The following ZC3H10 variants were observed in gnomAD, a reference collection of about 807,000 sequenced individuals.
ZC3H10 encodes zinc finger CCCH-type containing 10.
A neutral mutation model predicts 24.3 loss-of-function variants in ZC3H10; 12 were observed. The observed-to-expected ratio is 0.49, with a 90% confidence interval of 0.32 to 0.80. The LOEUF (loss-of-function observed/expected upper bound fraction) is 0.80. ZC3H10 is among the 30% of genes least tolerant of loss of function. The pLI is 0.04. For missense variants in ZC3H10, 360 were observed against 576.3 expected (o/e 0.62, Z 3.84); for synonymous variants, 226 against 217.0 (o/e 1.04, Z -0.36).
At position 56,120,999 on chromosome 12, in the gene ZC3H10, G is replaced by A. The variant is rs756185221; in HGVS notation, c.437G>A (p.Gly146Asp). The change falls in exon 3 of 3, where the codon GGT becomes GAT. Residue 146 changes from glycine to aspartate, a missense_variant. Transcript: ENST00000257940. Reference sequence around the variant, plus strand: ...CCTATCTGCCGTGACTTTCTCAAGGGTGACTGTCAGAGAGGAGCCAAGTGC... The same window carrying A: ...CCTATCTGCCGTGACTTTCTCAAGGATGACTGTCAGAGAGGAGCCAAGTGC... ...EVPICRDFLK[G>D]DCQRGAKCKF... is the part of the protein sequence containing the mutation. 1.2e-6 allele frequency: 2 copies of A among 1,614,030 alleles called. No individual in the cohort carries two copies. The highest frequency in any genetic ancestry group is 2.7e-5 in the African/African-American group (2 of 74,900).
rs1869997778 is a variant in ZC3H10, at chr12:56,126,489, C to T, written c.*4622C>T. The T allele has an allele frequency of 6.6e-6, 1 of 152,158 alleles. No individual in the cohort carries two copies. Among genetic ancestry groups the T allele is most frequent in the Non-Finnish European group, 1.5e-5 (1 of 68,044 alleles). 9.4% of individuals were successfully genotyped at this position (152,158 alleles called of 1,614,324 possible). On this transcript the variant is annotated 3_prime_UTR_variant, in exon 3 of 3. Transcript: ENST00000257940. ...CTTCCTGAGGATGAAGTTTTATCCC[C>T]TATATAATTTCTGATGATCTGGATG... is the stretch of plus-strand genomic sequence containing the variant.
At position 56,123,737 on chromosome 12, in the gene ZC3H10, G is replaced by A. The variant is rs1019498389; in HGVS notation, c.*1870G>A. 1.3e-5 allele frequency: 2 copies of A among 152,132 alleles called. No individual in the cohort carries two copies. The highest frequency in any genetic ancestry group is 4.8e-5 in the African/African-American group (2 of 41,416). 9.4% of individuals were successfully genotyped at this position (152,132 alleles called of 1,614,324 possible). On this transcript the variant is annotated 3_prime_UTR_variant, in exon 3 of 3. Transcript: ENST00000257940. ...CAATTCTAGACTATTAAAAGAGATG[G>A]TTTAAGAGCATTTAGAGAAGAATGT... is the stretch of plus-strand genomic sequence containing the variant.
chr12:56,126,255 C>G lies in ZC3H10; in HGVS notation c.*4388C>G, dbSNP rs1006274439. The G allele has an allele frequency of 3.9e-5, 6 of 152,166 alleles. No individual in the cohort carries two copies. The highest frequency in any genetic ancestry group is 9.7e-5 in the African/African-American group (4 of 41,410). 9.4% of individuals were successfully genotyped at this position (152,166 alleles called of 1,614,324 possible). On this transcript the variant is annotated 3_prime_UTR_variant, in exon 3 of 3. Transcript: ENST00000257940. ...GCAGATTGCAAGTCCAGGAAGTTTA[C>G]TCTCTCTCCTCCTGTAGGCCTCATC...
Position 56,121,060 on chromosome 12 carries a change from T to C in ZC3H10, c.498T>C (p.Asp166=), listed in dbSNP as rs757878563. Residue 166 remains aspartate, a synonymous_variant, in exon 3 of 3, where the codon GAT becomes GAC. Transcript: ENST00000257940. This position sits in a 1 kb window ranked among gnomAD's most constrained non-coding sequence, Gnocchi z 6.2. ...ACCTGCAACGGGATTTTGAGTTTGA[T>C]GCTCGGGGTGGAGGAGGCACTGGTG... ...FRHLQRDFEF[D]ARGGGGTGGG... 1.9e-6 allele frequency: 3 copies of C among 1,614,148 alleles called. No homozygotes were observed. Among genetic ancestry groups the C allele is most frequent in the Non-Finnish European group, 2.5e-6 (3 of 1,180,024 alleles).
In ZC3H10 at chr12:56,121,543, C is replaced by G; in HGVS notation, c.981C>G (p.Ser327=). Residue 327 remains serine, a synonymous_variant, in exon 3 of 3, where the codon TCC becomes TCG. Transcript: ENST00000257940. The surrounding 1 kb of genome is among the most constrained non-coding windows in gnomAD (Gnocchi z 6.2). ...AGGCTCTACAGCCTCGTCCAGTGTC[C>G]CAGCAAGAACTGGTGGCCCCTGCTG... ...SSQALQPRPV[S]QQELVAPAGA... The G allele has an allele frequency of 6.2e-7, 1 of 1,614,118 alleles. No homozygotes were observed.
chr12:56,119,432 A>G (rs1869742342), intron 2 of ZC3H10: 1 of 152,144 alleles, frequency 6.6e-6, no homozygotes, highest in Non-Finnish European at 1.5e-5. Context: ...CTGAAGGCAA[A>G]GTCACAGTAG....
chr12:56,121,810 C>G lies in ZC3H10; in HGVS notation c.1248C>G (p.Pro416=). 1 of 1,614,140 alleles carries G rather than the reference C, an allele frequency of 6.2e-7. No homozygotes were observed. The highest frequency in any genetic ancestry group is 8.5e-7 in the Non-Finnish European group (1 of 1,179,982). Residue 416 remains proline (P), a synonymous_variant, in exon 3 of 3, where the codon CCC becomes CCG. Coordinates refer to ENST00000257940, the MANE Select transcript of ZC3H10 (RefSeq NM_032786.3). The surrounding 1 kb of genome is among the most constrained non-coding windows in gnomAD (Gnocchi z 6.2). ...TCACAATGAGCCACACCACCACTCC[C>G]ATGGTGACTTACCCTATCGCTTCCC... The part of the protein sequence containing the change: ...AGITMSHTTT[P]MVTYPIASQS...
At position 56,120,460 on chromosome 12, in the gene ZC3H10, G is replaced by A. The variant is rs925110661; in HGVS notation, c.-52-51G>A. ...GCCACCTGCTTTATAGTCAGGAAGA[G>A]TGGGATCTCCCTGGAGGACTCCTGT... is the stretch of plus-strand genomic sequence containing the variant. On this transcript the variant is annotated intron_variant, in intron 2 of 2. Coordinates refer to ENST00000257940, the MANE Select transcript of ZC3H10 (RefSeq NM_032786.3). 1.1e-5 allele frequency: 15 copies of A among 1,422,738 alleles called. No homozygotes were observed. The African/African-American group carries it at 1.6e-4, about 15-fold the overall frequency. 88.1% of individuals were successfully genotyped at this position (1,422,738 alleles called of 1,614,324 possible).
intron 2 of ZC3H10, chr12:56,120,229 C>T (rs1869768077): frequency 2.0e-6 from 2 of 985,468 alleles, no homozygotes; most frequent in Non-Finnish European, 2.4e-6. Context: ...TTAATAAGGT[C>T]AGCTCAAAAG....
intron 2 of ZC3H10, 141 bp downstream of exon 2, chr12:56,119,292 C>T (rs1869736623): frequency 6.6e-6 from 1 of 152,330 alleles, no homozygotes; most frequent in Non-Finnish European, 1.5e-5. Flanking sequence ...AAGTTTGTAT[C>T]TTCTTTTACC....
At position 56,124,459 on chromosome 12, in the gene ZC3H10, C is replaced by T. The variant is rs1450237740; in HGVS notation, c.*2592C>T. On this transcript the variant is annotated 3_prime_UTR_variant, in exon 3 of 3. Coordinates refer to ENST00000257940, the MANE Select transcript of ZC3H10 (RefSeq NM_032786.3). ...TCCTCTCTCTCACCTGCTAAGTCAT[C>T]ACAGATAAGAGGAAAATTACGGGTC... The T allele has an allele frequency of 6.6e-6, 1 of 152,138 alleles. No individual in the cohort carries two copies. The highest frequency in any genetic ancestry group is 1.5e-5 in the Non-Finnish European group (1 of 68,034). The allele number at this position is 152,138 out of a possible 1,614,324, so 9.4% of individuals were successfully genotyped here.
rs1869787531 is a variant in ZC3H10, at chr12:56,120,716, C to T, written c.154C>T (p.Arg52Ter). Reference sequence around the variant, plus strand: ...AGACTTCTTGAGGAATGTGTGCAAGCGAGGCAAGCGTTGCCGATATCGCCA... The same window carrying T: ...AGACTTCTTGAGGAATGTGTGCAAGTGAGGCAAGCGTTGCCGATATCGCCA... ...CRDFLRNVCK[R>*]GKRCRYRHPD... The change falls in exon 3 of 3, where the codon CGA becomes TGA. Residue 52 changes from arginine (R) to a stop codon, truncating the protein, a stop_gained. Coordinates refer to ENST00000257940, the MANE Select transcript of ZC3H10 (RefSeq NM_032786.3). LOFTEE classifies it high-confidence loss of function. 1.2e-6 allele frequency: 2 copies of T among 1,613,982 alleles called. No homozygotes were observed. The highest frequency in any genetic ancestry group is 1.7e-6 in the Non-Finnish European group (2 of 1,179,980).
In ZC3H10 at chr12:56,125,962, TG is replaced by T. The variant is rs1203419286; in HGVS notation, c.*4096del. 6.6e-6 allele frequency: 1 copy of T among 152,114 alleles called. No homozygotes were observed. The allele number at this position is 152,114 out of a possible 1,614,324, so 9.4% of individuals were successfully genotyped here. ...CATGCCACCATGCTCGGCTAATTTT[TG>T]TATTTTTAGTAGAGACGGGGTTTCG... On this transcript the variant is annotated 3_prime_UTR_variant, in exon 3 of 3. Coordinates refer to ENST00000257940, the MANE Select transcript of ZC3H10 (RefSeq NM_032786.3).
At position 56,124,421 on chromosome 12, in the gene ZC3H10, A is replaced by G. The variant is rs1388238454; in HGVS notation, c.*2554A>G. The stretch of plus-strand genomic sequence containing the variant: ...GCTGTGTCAGGCCAGTTCCCAGATT[A>G]CAGGAGCTACTTTCCTCTCTCTCAC... On this transcript the variant is annotated 3_prime_UTR_variant, in exon 3 of 3. Transcript: ENST00000257940. The G allele has an allele frequency of 6.6e-6, 1 of 152,240 alleles. No individual in the cohort carries two copies. The highest frequency in any genetic ancestry group is 6.5e-5 in the Admixed American group (1 of 15,288). 9.4% of individuals were successfully genotyped at this position (152,240 alleles called of 1,614,324 possible). A position where few individuals can be genotyped will look rare whatever the true frequency, so the allele number is the denominator to read the frequency against.
chr12:56,127,353 CT>C lies in ZC3H10; in HGVS notation c.*5487del, dbSNP rs1177091231. Reference sequence around the variant, plus strand: ...ACTCTTGATCCCTCATTTTAGTGTCCTAGAAGTTCTTCAGGGTCAGAAAATT... The same window carrying C: ...ACTCTTGATCCCTCATTTTAGTGTCCAGAAGTTCTTCAGGGTCAGAAAATT... On this transcript the variant is annotated 3_prime_UTR_variant, in exon 3 of 3. Coordinates refer to ENST00000257940, the MANE Select transcript of ZC3H10 (RefSeq NM_032786.3). 6.6e-6 allele frequency: 1 copy of C among 152,176 alleles called. No homozygotes were observed. The highest frequency in any genetic ancestry group is 1.5e-5 in the Non-Finnish European group (1 of 68,038). 9.4% of individuals were successfully genotyped at this position (152,176 alleles called of 1,614,324 possible).
Position 56,127,045 on chromosome 12 carries a change from G to A in ZC3H10, c.*5178G>A, listed in dbSNP as rs1294066541. 1.3e-5 allele frequency: 2 copies of A among 152,140 alleles called. No homozygotes were observed. Among genetic ancestry groups the A allele is most frequent in the African/African-American group, 4.8e-5 (2 of 41,418 alleles). 9.4% of individuals were successfully genotyped at this position (152,140 alleles called of 1,614,324 possible). Reference sequence around the variant, plus strand: ...CAACCCCAGTTCTTCTGCTGCATCTGACAGATTTACATAATATGCCCCATA... The same window carrying A: ...CAACCCCAGTTCTTCTGCTGCATCTAACAGATTTACATAATATGCCCCATA... On this transcript the variant is annotated 3_prime_UTR_variant, in exon 3 of 3. Transcript: ENST00000257940.
Position 56,121,182 on chromosome 12 carries a change from C to T in ZC3H10, c.620C>T (p.Pro207Leu), listed in dbSNP as rs769043530. The T allele has an allele frequency of 2.5e-6, 4 of 1,614,094 alleles. No homozygotes were observed. The highest frequency in any genetic ancestry group is 2.2e-5 in the East Asian group (1 of 44,888). ...DRGFEDHEPG[P>L]KRRRGGCCPP... is the part of the protein sequence containing the mutation. ...GGCTTTGAGGACCATGAGCCAGGCC[C>T]AAAACGCCGGCGAGGTGGATGCTGC... is the stretch of plus-strand genomic sequence containing the variant. The change falls in exon 3 of 3, where the codon CCA becomes CTA. Residue 207 changes from proline (P) to leucine (L), a missense_variant. Physicochemically the swap from Pro to Leu is moderately conservative, Grantham distance 98 (BLOSUM62 -3). Around this residue, in one of 3 missense-constraint regions of ZC3H10, gnomAD observed 101 missense variants for 110.8 expected, o/e 0.91. Transcript: ENST00000257940. The surrounding 1 kb of genome is among the most constrained non-coding windows in gnomAD (Gnocchi z 6.2).
Position 56,121,311 on chromosome 12 carries a change from G to A in ZC3H10, c.749G>A (p.Arg250Gln), listed in dbSNP as rs1869818979. Residue 250 changes from arginine to glutamine, a missense_variant, in exon 3 of 3, where the codon CGG becomes CAG. Arg to Gln is a conservative substitution (Grantham distance 43). This residue lies in a region of ZC3H10 where 133 missense variants were observed against 256.7 expected (regional missense o/e 0.52). Transcript: ENST00000257940. The surrounding 1 kb of genome is among the most constrained non-coding windows in gnomAD (Gnocchi z 6.2). ...LEEENAMLRK[R>Q]VEELKKQVSN... is the part of the protein sequence containing the mutation. ...GAGGAGAATGCCATGCTCAGGAAGC[G>A]GGTAGAGGAGTTAAAGAAGCAGGTC... The A allele has an allele frequency of 7.4e-6, 12 of 1,613,702 alleles. No individual in the cohort carries two copies. Among genetic ancestry groups the A allele is most frequent in the Non-Finnish European group, 9.3e-6 (11 of 1,180,002 alleles).
rs1869905583 is a variant in ZC3H10, at chr12:56,123,453, T to TG, written c.*1587dup. ...TTTTTTTTTTTTTGAGATGGAGTCT[T>TG]GCCCAGTCACCAGACCGGAGTGCAG... is the stretch of plus-strand genomic sequence containing the variant. On this transcript the variant is annotated 3_prime_UTR_variant, in exon 3 of 3. Transcript: ENST00000257940. 1 of 151,654 alleles carries TG rather than the reference T, an allele frequency of 6.6e-6. No homozygotes were observed. The highest frequency in any genetic ancestry group is 1.5e-5 in the Non-Finnish European group (1 of 67,870). 9.4% of individuals were successfully genotyped at this position (151,654 alleles called of 1,614,324 possible).
Sources: allele counts gnomAD v4.1 joint callset, GRCh38; gene constraint gnomAD v4.1.1; regional missense constraint gnomAD v4.1.1; non-coding constraint Gnocchi (gnomAD v3.1); transcripts MANE v1.5; gene names NCBI Gene and HGNC (gene_info 2026-07-23, HGNC 2026-07-21).